Variants in STK32B observed in about 807,000 individuals in gnomAD.
STK32B encodes serine/threonine-protein kinase 32B.
In STK32B, 43 loss-of-function variants were observed where a neutral mutation model predicts 52.6. That is an observed-to-expected ratio of 0.82 (90% CI 0.64 to 1.05). The LOEUF is 1.05. STK32B is among the 50% of genes least tolerant of loss of function. The pLI is 0.00. For synonymous variants in STK32B, 238 were observed against 204.3 expected, an observed-to-expected ratio of 1.17 and a Z score of -1.41; for missense variants, 621 against 534.6, an observed-to-expected ratio of 1.16 and a Z score of -1.59.
At chr4:5,220,869 C>T (rs1176239213) in intron 3 of STK32B, among the ~76,000 whole-genome samples, 1 of 152,106 alleles carries the variant, frequency 6.6e-6, no homozygotes, top group Non-Finnish European at 1.5e-5. Flanking sequence ...CATTTTCTCC[C>T]TCTCCTCTTT....
upstream of STK32B, among the ~76,000 whole-genome samples, chr4:5,050,153 T>C (rs1357460506): frequency 1.3e-5 from 2 of 152,230 alleles, no homozygotes; most frequent in African/African-American, 4.8e-5. Context: ...CTACTCAGTG[T>C]ATGCTTGTTG....
At chr4:5,476,142 T>C (rs1718222217) in intron 11 of STK32B, among the ~76,000 whole-genome samples, 1 of 152,096 alleles carries the variant, frequency 6.6e-6, no homozygotes, top group East Asian at 1.9e-4. Flanking sequence ...TCAGGTGATC[T>C]GCCCACCTCG....
At chr4:5,314,114 C>T (rs889335551) in intron 3 of STK32B, among the ~76,000 whole-genome samples, 1 of 127,012 alleles carries the variant, frequency 7.9e-6, no homozygotes, top group Non-Finnish European at 1.5e-5. Context: ...AATAGCTAAG[C>T]AATTTTGAAA....
At chr4:5,313,055 G>T (rs1211619054) in intron 3 of STK32B, among the ~76,000 whole-genome samples, 3 of 151,512 alleles carry the variant, frequency 2.0e-5, no homozygotes, top group African/African-American at 7.3e-5. Flanking sequence ...CATGAATATA[G>T]ATGCAAAAAT....
At chr4:5,409,110 T>C (rs57565766) in intron 5 of STK32B, among the ~76,000 whole-genome samples, 9,758 of 152,116 alleles carry the variant, frequency 0.064, 1,007 homozygotes, top group African/African-American at 0.22. Context: ...ATTGAGATTG[T>C]TCTGCCCCCA....
At chr4:5,435,069 T>C (rs868778048) in intron 6 of STK32B, among the ~76,000 whole-genome samples, 28 of 152,274 alleles carry the variant, frequency 1.8e-4, no homozygotes, top group Middle Eastern at 3.4e-3. Flanking sequence ...AAGACTGACA[T>C]GTGGAGGCAT....
chr4:5,056,347 T>C (rs1307560292), intron 1 of STK32B, among the ~76,000 whole-genome samples: 1 of 152,226 alleles, frequency 6.6e-6, no homozygotes, highest in Non-Finnish European at 1.5e-5. Flanking sequence ...TCCTAAGGAA[T>C]TGCAAGCTCC....
In STK32B at chr4:5,372,726, G is replaced by GGGA. The variant is rs1553880204; in HGVS notation, c.435-25479_435-25478insAGG. On this transcript the variant is annotated intron_variant, in intron 4 of 11. Transcript: ENST00000282908. ...GGCCTCAGCAGGAGAAAGTTGGGGG[G>GGGA]GGGGGCGGTTATTTCAGACTAATAG... Among the ~76,000 whole-genome samples the GGGA allele has an allele frequency of 1.1e-3, 169 of 150,410 alleles. 3 individuals carry two copies. The highest frequency in any genetic ancestry group is 3.9e-3 in the African/African-American group (160 of 40,860).
chr4:5,315,328 A>C (rs1481889600), intron 3 of STK32B, among the ~76,000 whole-genome samples: 1 of 152,206 alleles, frequency 6.6e-6, no homozygotes, highest in Non-Finnish European at 1.5e-5. Context: ...GATAACATCA[A>C]GTGAAACAAA....
chr4:5,177,527 C>T (rs1256328018), intron 3 of STK32B, among the ~76,000 whole-genome samples: 1 of 152,178 alleles, frequency 6.6e-6, no homozygotes, highest in Non-Finnish European at 1.5e-5. Flanking sequence ...AAAGCACAAT[C>T]ATGCCTTCCC....
At chr4:5,298,655 A>G (rs10213319) in intron 3 of STK32B, among the ~76,000 whole-genome samples, 20,719 of 151,930 alleles carry the variant, frequency 0.14, 2,805 homozygotes, top group African/African-American at 0.35. Context: ...TTTGAGCATC[A>G]CAGGTATTGA....
intron 3 of STK32B, among the ~76,000 whole-genome samples, chr4:5,212,846 G>A (rs926664707): frequency 1.3e-5 from 2 of 152,098 alleles, no homozygotes; most frequent in South Asian, 2.1e-4. Flanking sequence ...ATGAGTGAGA[G>A]GAAACACGCT....
the STK32B span, among the ~76,000 whole-genome samples, chr4:5,032,021 T>C: frequency 6.6e-6 from 1 of 152,196 alleles, no homozygotes; most frequent in African/African-American, 2.4e-5. Flanking sequence ...TGCTGAATGA[T>C]TCACCAAGCA....
intron 6 of STK32B, among the ~76,000 whole-genome samples, chr4:5,439,132 T>C (rs1401569609): frequency 1.6e-4 from 23 of 147,820 alleles, no homozygotes; most frequent in Non-Finnish European, 3.2e-4. Flanking sequence ...ATGGGATGGC[T>C]GGGTCAAATG....
the STK32B span, among the ~76,000 whole-genome samples, chr4:5,026,076 G>A: frequency 1.3e-5 from 2 of 152,214 alleles, no homozygotes; most frequent in African/African-American, 4.8e-5. Flanking sequence ...ATGATGAGGA[G>A]ATCCTTCCAG....
rs574599550 is a variant in STK32B at position 5,378,937 on chromosome 4, C to A, written c.435-19270C>A. Among the ~76,000 whole-genome samples, 1 of 152,132 alleles carries A rather than the reference C, an allele frequency of 6.6e-6. No homozygotes were observed. Among genetic ancestry groups the A allele is most frequent in the Non-Finnish European group, 1.5e-5 (1 of 68,034 alleles). On this transcript the variant is annotated intron_variant, in intron 4 of 11. Coordinates refer to ENST00000282908, the MANE Select transcript of STK32B (RefSeq NM_018401.3). The surrounding 1 kb of genome is among the most constrained non-coding windows in gnomAD (Gnocchi z 4.4). The stretch of plus-strand genomic sequence containing the variant: ...ACAATTCTACCCTGCCTCTGTGAGA[C>A]CCCAGGAGATGGCTGACAAAAAGCT...
At chr4:5,033,347 T>G in the STK32B span, among the ~76,000 whole-genome samples, 1 of 152,274 alleles carries the variant, frequency 6.6e-6, no homozygotes, top group South Asian at 2.1e-4. Flanking sequence ...CAGGTTCCTG[T>G]GGACTCCAGC....
intron 11 of STK32B, among the ~76,000 whole-genome samples, chr4:5,489,871 C>T (rs552865040): frequency 6.6e-6 from 1 of 152,102 alleles, no homozygotes; most frequent in South Asian, 2.1e-4. Flanking sequence ...TTCTGGCTGG[C>T]TACATCAGAT....
the STK32B span, among the ~76,000 whole-genome samples, chr4:5,045,777 A>C: frequency 6.6e-6 from 1 of 152,144 alleles, no homozygotes; most frequent in Admixed American, 6.5e-5. Context: ...ACTTTGCTGA[A>C]GTTGCTTATC....
Sources: allele counts gnomAD v4.1 joint callset (sites outside exome capture counted in the v4.1 genomes callset), GRCh38; gene constraint gnomAD v4.1.1; non-coding constraint Gnocchi (gnomAD v3.1); transcripts MANE v1.5; gene names NCBI Gene and HGNC (gene_info 2026-07-23, HGNC 2026-07-21).